The following MECOM variants were observed in gnomAD, a reference collection of about 807,000 sequenced individuals.
MECOM encodes histone-lysine N-methyltransferase MECOM.
A neutral mutation model predicts 116.3 loss-of-function variants in MECOM; 13 were observed. The observed-to-expected ratio is 0.11, with a 90% CI of 0.07 to 0.18. The LOEUF is 0.18. MECOM is among the 10% of genes least tolerant of loss of function. The pLI is 1.00. For synonymous variants in MECOM, 528 were observed against 535.2 expected (o/e 0.99, Z 0.19); for missense variants, 1,299 against 1,509.0 (o/e 0.86, Z 2.31).
At chr3:169,348,847 G>A (rs886213222) in intron 2 of MECOM, among the ~76,000 whole-genome samples, 1 of 152,068 alleles carries the variant, frequency 6.6e-6, no homozygotes, top group South Asian at 2.1e-4. Flanking sequence ...ATCTTCAGCA[G>A]CATGATACAT....
intron 1 of MECOM, among the ~76,000 whole-genome samples, chr3:169,526,763 G>GC (rs1758013085): frequency 6.6e-6 from 1 of 151,890 alleles, no homozygotes; most frequent in South Asian, 2.1e-4. Context: ...ACTAAGCCCT[G>GC]ACTACTTTTT....
chr3:169,146,929 T>A, intron 2 of MECOM: 1 of 1,023,808 alleles, frequency 9.8e-7, no homozygotes, highest in Non-Finnish European at 1.2e-6. Flanking sequence ...CTCTGACAAC[T>A]TTGTCCGTCT....
At chr3:169,306,436 C>T (rs1447719651) in intron 2 of MECOM, among the ~76,000 whole-genome samples, 3 of 152,192 alleles carry the variant, frequency 2.0e-5, no homozygotes, top group Non-Finnish European at 4.4e-5. Context: ...AATCCCAGCA[C>T]TTTGGGAGGC....
intron 2 of MECOM, among the ~76,000 whole-genome samples, chr3:169,350,666 A>T (rs1414083633): frequency 2.0e-5 from 3 of 151,906 alleles, no homozygotes; most frequent in Admixed American, 2.0e-4. Flanking sequence ...CTCTGGTTAG[A>T]TATATTATTT....
intron 2 of MECOM, among the ~76,000 whole-genome samples, chr3:169,179,606 C>T (rs1302706751): frequency 6.6e-6 from 1 of 152,166 alleles, no homozygotes; most frequent in East Asian, 1.9e-4. Context: ...ATAGGGCCAT[C>T]TCAATATCAT....
intron 1 of MECOM, among the ~76,000 whole-genome samples, chr3:169,639,001 GTTT>G (rs1345007129): frequency 1.8e-5 from 1 of 56,218 alleles, no homozygotes; most frequent in East Asian, 9.8e-4. Context: ...CTCTTTCTCT[GTTT>G]GCAGCAATTT....
chr3:169,332,215 TG>T, intron 2 of MECOM, among the ~76,000 whole-genome samples: 1 of 152,180 alleles, frequency 6.6e-6, no homozygotes, highest in East Asian at 1.9e-4. Flanking sequence ...CTAGAGAGTC[TG>T]GGGCTTTCAT....
intron 1 of MECOM, among the ~76,000 whole-genome samples, chr3:169,406,474 G>C (rs1302192859): frequency 6.6e-6 from 1 of 152,156 alleles, no homozygotes; most frequent in Non-Finnish European, 1.5e-5. Flanking sequence ...ACCATAATCA[G>C]CAAAGTCCTG....
At chr3:169,268,390 C>G (rs1560068386) in intron 2 of MECOM, among the ~76,000 whole-genome samples, 1 of 152,178 alleles carries the variant, frequency 6.6e-6, no homozygotes, top group East Asian at 1.9e-4. Context: ...GTTTGGAAAG[C>G]TTTTCTCAAG....
chr3:169,576,378 C>T lies in MECOM; in HGVS notation c.37+86958G>A, dbSNP rs999235895. ...AGGATGCTGTGTATGTGACAGAAGACGATAAAAATCTCTGCAATTCATAGT... is the reference window on the plus strand; with the variant it reads ...AGGATGCTGTGTATGTGACAGAAGATGATAAAAATCTCTGCAATTCATAGT... On this transcript the variant is annotated intron_variant, in intron 1 of 16. Transcript: ENST00000651503. Among the ~76,000 whole-genome samples the T allele has an allele frequency of 3.0e-4, 45 of 152,060 alleles. 1 individual carries two copies. Among genetic ancestry groups the T allele is most frequent in the Admixed American group, 2.2e-3 (34 of 15,258 alleles).
intron 1 of MECOM, among the ~76,000 whole-genome samples, chr3:169,411,220 C>T (rs150501638): frequency 6.7e-6 from 1 of 150,298 alleles, no homozygotes; most frequent in East Asian, 2.0e-4. Context: ...CCAAATGACA[C>T]TATTGCCAGA....
chr3:169,588,284 C>T (rs1458368783), intron 1 of MECOM, among the ~76,000 whole-genome samples: 2 of 152,138 alleles, frequency 1.3e-5, no homozygotes, highest in African/African-American at 4.8e-5. Context: ...GCTGCCGTGA[C>T]TTATATACCT....
At chr3:169,441,722 TCTC>T (rs1743711198) in intron 1 of MECOM, among the ~76,000 whole-genome samples, 1 of 145,826 alleles carries the variant, frequency 6.9e-6, no homozygotes, top group African/African-American at 2.4e-5. Flanking sequence ...CACTTCTTCT[TCTC>T]TTCTTTTTTT....
intron 12 of MECOM, among the ~76,000 whole-genome samples, chr3:169,097,918 A>G (rs1281882159): frequency 6.6e-6 from 1 of 150,464 alleles, no homozygotes; most frequent in Non-Finnish European, 1.5e-5. Flanking sequence ...CATAGGGACC[A>G]TGTTTAACTT....
intron 2 of MECOM, among the ~76,000 whole-genome samples, chr3:169,321,628 T>C (rs1024550948): frequency 5.3e-5 from 8 of 152,280 alleles, no homozygotes; most frequent in Admixed American, 4.6e-4. Flanking sequence ...AAACAAAGCC[T>C]TGAAGAGTTG....
At chr3:169,214,949 A>C (rs1209829121) in intron 2 of MECOM, among the ~76,000 whole-genome samples, 1 of 149,084 alleles carries the variant, frequency 6.7e-6, no homozygotes, top group Non-Finnish European at 1.5e-5. Context: ...TATAATGTGA[A>C]TACCCTCTGC....
intron 2 of MECOM, among the ~76,000 whole-genome samples, chr3:169,276,267 T>C (rs886861510): frequency 3.9e-5 from 6 of 152,040 alleles, no homozygotes; most frequent in African/African-American, 7.2e-5. Context: ...AAAAATGTCC[T>C]ATGGCCGGGC....
At chr3:169,298,981 T>C (rs185668726) in intron 2 of MECOM, among the ~76,000 whole-genome samples, 58 of 152,316 alleles carry the variant, frequency 3.8e-4, no homozygotes, top group African/African-American at 1.4e-3. Context: ...ACCATGGATA[T>C]AAGATTCTGG....
At chr3:169,207,955 G>A (rs540498105) in intron 2 of MECOM, among the ~76,000 whole-genome samples, 1 of 152,236 alleles carries the variant, frequency 6.6e-6, no homozygotes, top group Admixed American at 6.5e-5. Flanking sequence ...TTTCACACTT[G>A]AGCCTGTATA....
Sources: allele counts gnomAD v4.1 joint callset (sites outside exome capture counted in the v4.1 genomes callset), GRCh38; gene constraint gnomAD v4.1.1; transcripts MANE v1.5; gene names NCBI Gene and HGNC (gene_info 2026-07-23, HGNC 2026-07-21).